The following SMYD3 variants were observed in gnomAD, a reference collection of about 807,000 sequenced individuals.
The protein encoded by SMYD3 is SET and MYND domain containing 3.
SMYD3 carries 36 observed loss-of-function variants against 57.7 expected under a neutral mutation model. The ratio of observed to expected loss-of-function variants is 0.62; its 90% CI spans 0.48 to 0.82. The LOEUF is 0.82. Among genes scored for constraint, SMYD3 ranks in the 40% least tolerant of loss-of-function variants. The pLI, the probability that SMYD3 is intolerant of heterozygous loss-of-function variation, is 0.00. For missense variants in SMYD3, 515 were observed against 538.8 expected (o/e 0.96, Z 0.44); for synonymous variants, 211 against 195.0 (o/e 1.08, Z -0.68).
intron 5 of SMYD3, among the ~76,000 whole-genome samples, chr1:246,176,161 A>T (rs1348310854): frequency 6.6e-6 from 1 of 152,128 alleles, no homozygotes; most frequent in Non-Finnish European, 1.5e-5. Flanking sequence ...CCCCCTCACC[A>T]GTAACCACAA....
chr1:246,482,213 T>C (rs1324744260), intron 1 of SMYD3, among the ~76,000 whole-genome samples: 2 of 152,092 alleles, frequency 1.3e-5, no homozygotes, highest in Non-Finnish European at 2.9e-5. Context: ...CAGTTTGCCA[T>C]GAGAGGTAAA....
chr1:246,328,731 G>A (rs1487328687), intron 4 of SMYD3, among the ~76,000 whole-genome samples: 1 of 149,276 alleles, frequency 6.7e-6, no homozygotes, highest in East Asian at 1.9e-4. Flanking sequence ...GGGTACATGT[G>A]CACAATGTGC....
intron 8 of SMYD3, among the ~76,000 whole-genome samples, chr1:245,911,419 G>A (rs2054969484): frequency 6.6e-6 from 1 of 151,588 alleles, no homozygotes; most frequent in East Asian, 1.9e-4. Flanking sequence ...GCACTCCCAT[G>A]TTTATTGCTG....
At chr1:245,760,024 G>C (rs1213145837) in intron 11 of SMYD3, among the ~76,000 whole-genome samples, 6 of 152,170 alleles carry the variant, frequency 3.9e-5, no homozygotes, top group Non-Finnish European at 8.8e-5. Flanking sequence ...TGACAGGAGA[G>C]GGCAGGAGGG....
In SMYD3 at chr1:246,436,678, G is replaced by A. The variant is rs972033572; in HGVS notation, c.164+70376C>T. Among the ~76,000 whole-genome samples, 3 of 152,196 alleles carry A rather than the reference G, an allele frequency of 2.0e-5. No individual in the cohort carries two copies. The East Asian group carries it at 5.8e-4, about 29-fold the overall frequency. ...TTCTTTTTCTGTTCCACAAGGTAAA[G>A]ATGTATTTAGATGTCCTGCTTCGTT... is the stretch of plus-strand genomic sequence containing the variant. On this transcript the variant is annotated intron_variant, in intron 1 of 11. Coordinates refer to ENST00000490107, the MANE Select transcript of SMYD3 (RefSeq NM_001167740.2).
At chr1:246,078,995 C>T (rs987383358) in intron 5 of SMYD3, among the ~76,000 whole-genome samples, 15 of 151,492 alleles carry the variant, frequency 9.9e-5, no homozygotes, top group African/African-American at 3.6e-4. Context: ...AAGATGTCTA[C>T]AAAACCTTCT....
intron 5 of SMYD3, among the ~76,000 whole-genome samples, chr1:246,046,443 G>A (rs1283466927): frequency 2.0e-5 from 3 of 151,996 alleles, no homozygotes; most frequent in Non-Finnish European, 2.9e-5. Context: ...CTTGGACACA[G>A]GAAGGGGAAC....
chr1:245,814,473 A>T lies in SMYD3; in HGVS notation c.1076+44023T>A, dbSNP rs369746654. ...TAAACAATAAAAATAAATAAATAAAATAAAAAGAATGCTACTGTTACACCA... is the reference window on the plus strand; with the variant it reads ...TAAACAATAAAAATAAATAAATAAATTAAAAAGAATGCTACTGTTACACCA... On this transcript the variant is annotated intron_variant, in intron 10 of 11. Coordinates refer to ENST00000490107, the MANE Select transcript of SMYD3 (RefSeq NM_001167740.2). 4.9e-6 allele frequency: 4 copies of T among 813,530 alleles called. No individual in the cohort carries two copies. The East Asian group carries it at 5.0e-4, about 101-fold the overall frequency. 50.4% of individuals were successfully genotyped at this position (813,530 alleles called of 1,614,324 possible).
chr1:246,458,478 G>A (rs1174616618), intron 1 of SMYD3, among the ~76,000 whole-genome samples: 4 of 113,476 alleles, frequency 3.5e-5, no homozygotes, highest in African/African-American at 1.3e-4. Flanking sequence ...ACAGAGTCTC[G>A]CTCTGTTGCC....
At chr1:246,227,484 G>T (rs533487186) in intron 5 of SMYD3, among the ~76,000 whole-genome samples, 1 of 152,050 alleles carries the variant, frequency 6.6e-6, no homozygotes, top group African/African-American at 2.4e-5. Flanking sequence ...GTGTGGTGGC[G>T]GGCGCCTGAA....
chr1:245,857,428 C>T (rs2051303711), intron 10 of SMYD3, among the ~76,000 whole-genome samples: 2 of 152,254 alleles, frequency 1.3e-5, no homozygotes, highest in African/African-American at 2.4e-5. Context: ...ATTCCTCTCC[C>T]TCTAGCGGGA....
chr1:246,278,673 G>A (rs983425801), intron 5 of SMYD3, among the ~76,000 whole-genome samples: 2 of 152,118 alleles, frequency 1.3e-5, no homozygotes, highest in African/African-American at 4.8e-5. Flanking sequence ...ATTTCCATAC[G>A]AGAACACAGC....
At chr1:245,974,553 G>A (rs867549359) in intron 5 of SMYD3, among the ~76,000 whole-genome samples, 347 of 33,158 alleles carry the variant, frequency 0.01, 1 homozygote, top group African/African-American at 0.046. Context: ...CATCGTCTCC[G>A]GCCCAGGGAA....
intron 5 of SMYD3, among the ~76,000 whole-genome samples, chr1:246,285,618 G>A (rs543180657): frequency 6.6e-6 from 1 of 152,164 alleles, no homozygotes; most frequent in South Asian, 2.1e-4. Flanking sequence ...AAAAGCAAAT[G>A]CAACAAAAAC....
intron 5 of SMYD3, among the ~76,000 whole-genome samples, chr1:246,148,387 C>T (rs1357390586): frequency 6.6e-6 from 1 of 152,154 alleles, no homozygotes; most frequent in African/African-American, 2.4e-5. Context: ...GAGCTCAACA[C>T]TCCACTAGAT....
intron 2 of SMYD3, among the ~76,000 whole-genome samples, chr1:246,335,861 T>C (rs1342693370): frequency 1.3e-5 from 2 of 152,146 alleles, no homozygotes; most frequent in Admixed American, 6.5e-5. Context: ...AATTAGAAAA[T>C]AAAACGTGGT....
intron 1 of SMYD3, among the ~76,000 whole-genome samples, chr1:246,440,220 T>C (rs1168345596): frequency 6.6e-6 from 1 of 152,028 alleles, no homozygotes; most frequent in Non-Finnish European, 1.5e-5. Flanking sequence ...ATAGAGAAAA[T>C]TTTATTTTTC....
chr1:246,238,069 T>C (rs1407450339), intron 5 of SMYD3, among the ~76,000 whole-genome samples: 2 of 152,152 alleles, frequency 1.3e-5, no homozygotes, highest in African/African-American at 4.8e-5. Context: ...CTGGGGTTTC[T>C]TTCTCTTTTT....
intron 5 of SMYD3, among the ~76,000 whole-genome samples, chr1:246,300,910 T>C (rs1462385912): frequency 6.6e-6 from 1 of 152,094 alleles, no homozygotes; most frequent in Non-Finnish European, 1.5e-5. Flanking sequence ...GCAAGCAAAA[T>C]AGAAACAAGG....
Sources: gnomAD v4.1 joint callset for allele counts (sites outside exome capture counted in the v4.1 genomes callset) on GRCh38, gnomAD v4.1.1 for gene constraint, MANE v1.5 for transcripts, NCBI Gene and HGNC (gene_info 2026-07-23, HGNC 2026-07-21) for gene names.